CACNG2: variants seen among roughly 807,000 people sequenced by gnomAD.
CACNG2 encodes calcium voltage-gated channel auxiliary subunit gamma 2.
In CACNG2, 3 loss-of-function variants were observed where a neutral mutation model predicts 25.9. The observed-to-expected ratio is 0.12, with a 90% CI of 0.05 to 0.30. The LOEUF (loss-of-function observed/expected upper bound fraction) is 0.30. CACNG2 is among the 10% of genes least tolerant of loss of function. The pLI, the probability that CACNG2 is intolerant of heterozygous loss-of-function variation, is 1.00. For missense variants in CACNG2, 341 were observed against 432.5 expected (o/e 0.79, Z 1.88); for synonymous variants, 167 against 173.3 (o/e 0.96, Z 0.29).
intron 2 of CACNG2, among the ~76,000 whole-genome samples, chr22:36,583,162 T>C (rs1489058687): frequency 1.1e-5 from 1 of 91,590 alleles, no homozygotes; most frequent in Admixed American, 1.2e-4. Flanking sequence ...GGGCTGGACA[T>C]GGTGGCTCAC....
intron 1 of CACNG2, among the ~76,000 whole-genome samples, chr22:36,680,652 C>CCACCACCAT (rs1937103301): frequency 6.0e-5 from 1 of 16,706 alleles, no homozygotes; most frequent in African/African-American, 1.8e-4. Flanking sequence ...ATCATTATCA[C>CCACCACCAT]CACCATCACC....
intron 1 of CACNG2, among the ~76,000 whole-genome samples, chr22:36,688,699 C>T (rs1024093041): frequency 2.6e-5 from 4 of 152,174 alleles, no homozygotes; most frequent in East Asian, 3.9e-4. Context: ...AGGCCCAGCC[C>T]GCCAGTGGCA....
At chr22:36,693,085 G>T (rs1937286780) in intron 1 of CACNG2, among the ~76,000 whole-genome samples, 1 of 152,192 alleles carries the variant, frequency 6.6e-6, no homozygotes, top group Non-Finnish European at 1.5e-5. Flanking sequence ...GACGGAGGCT[G>T]CAGTGAGCCA....
chr22:36,680,601 TGGCTATAATTACTAC>T, intron 1 of CACNG2, among the ~76,000 whole-genome samples: 1 of 96,622 alleles, frequency 1.0e-5, no homozygotes, highest in African/African-American at 3.9e-5. Flanking sequence ...ACCTGCATCA[TGGCTATAATTACTAC>T]CACCATCACC....
At chr22:36,576,999 G>C (rs908851428) in intron 2 of CACNG2, among the ~76,000 whole-genome samples, 2 of 152,170 alleles carry the variant, frequency 1.3e-5, no homozygotes, top group Non-Finnish European at 2.9e-5. Flanking sequence ...GCTTCCTGCT[G>C]TCAGTAGAGA....
rs1470618580 is a variant in CACNG2 at position 36,563,115 on chromosome 22, GT to G, written c.*1235del. 6.6e-6 allele frequency among the ~76,000 whole-genome samples: 1 copy of G among 151,650 alleles called. No individual in the cohort carries two copies. The highest frequency in any genetic ancestry group is 2.4e-5 in the African/African-American group (1 of 41,254). ...TATTTACATTTATTTATAGTCTGTG[GT>G]TTTTTTATTAAAAAAAAATCACCAC... is the stretch of plus-strand genomic sequence containing the variant. On this transcript the variant is annotated 3_prime_UTR_variant, in exon 4 of 4. Coordinates refer to ENST00000300105, the MANE Select transcript of CACNG2 (RefSeq NM_006078.5).
intron 1 of CACNG2, among the ~76,000 whole-genome samples, chr22:36,631,737 C>CTTTT (rs131828): frequency 4.3e-5 from 5 of 115,408 alleles, no homozygotes; most frequent in East Asian, 2.8e-4. Flanking sequence ...GTGAGCAACT[C>CTTTT]TTTTTTTTTT....
chr22:36,602,670 G>A (rs927220443), intron 1 of CACNG2, among the ~76,000 whole-genome samples: 19 of 152,352 alleles, frequency 1.2e-4, no homozygotes, highest in African/African-American at 4.1e-4. Context: ...ACAGGCGTGA[G>A]CCACTGCGCC....
intron 3 of CACNG2, among the ~76,000 whole-genome samples, chr22:36,565,633 T>C (rs770674088): frequency 2.6e-5 from 4 of 152,126 alleles, no homozygotes; most frequent in Non-Finnish European, 5.9e-5. Context: ...TGCGTCACCA[T>C]GCCCAGCTGA....
Position 36,564,703 on chromosome 22 carries a change from T to G in CACNG2, c.620A>C (p.Gln207Pro), listed in dbSNP as rs1304038904. Residue 207 changes from glutamine to proline, a missense_variant, in exon 4 of 4, where the codon CAG becomes CCG. Physicochemically the swap from Gln to Pro is moderately conservative, Grantham distance 76 (BLOSUM62 -1). Coordinates refer to ENST00000300105, the MANE Select transcript of CACNG2 (RefSeq NM_006078.5). The surrounding 1 kb of genome is among the most constrained non-coding windows in gnomAD (Gnocchi z 6.7). The stretch of plus-strand genomic sequence containing the variant: ...CGTGGCGCGGGCCGTGGCCCGCAGC[T>G]GTTTGTGCCGGTCGATAAACATGTG... ...AVHMFIDRHK[Q>P]LRATARATDY... 2 of 1,614,186 alleles carry G rather than the reference T, an allele frequency of 1.2e-6. No individual in the cohort carries two copies.
At chr22:36,700,432 C>T (rs546428279) in intron 1 of CACNG2, among the ~76,000 whole-genome samples, 63 of 152,344 alleles carry the variant, frequency 4.1e-4, no homozygotes, top group African/African-American at 1.4e-3. Context: ...TTTATGCCAA[C>T]CCACCCATTT....
rs550662308 is a variant in CACNG2 at position 36,608,665 on chromosome 22, CTGGGTGTGTATT to C, written c.212-21129_212-21118del. Among the ~76,000 whole-genome samples the C allele has an allele frequency of 1.1e-4, 16 of 150,966 alleles. No homozygotes were observed. The South Asian group carries it at 3.4e-3, about 32-fold the overall frequency. On this transcript the variant is annotated intron_variant, in intron 1 of 3. Transcript: ENST00000300105. ...CTCAGGACTGATGCTATCAGACTAC[CTGGGTGTGTATT>C]TGCCTTGGGCAAATTCCTCAACATC... is the stretch of plus-strand genomic sequence containing the variant.
chr22:36,616,528 A>C (rs1936023859), intron 1 of CACNG2, among the ~76,000 whole-genome samples: 1 of 152,192 alleles, frequency 6.6e-6, no homozygotes, highest in African/African-American at 2.4e-5. Flanking sequence ...CCTGGAAACT[A>C]GAGAGTATTG....
intron 1 of CACNG2, among the ~76,000 whole-genome samples, chr22:36,615,199 T>C (rs1936005212): frequency 6.6e-6 from 1 of 152,132 alleles, no homozygotes; most frequent in Admixed American, 6.5e-5. Context: ...TAAGGCTGCA[T>C]CTGATTTGGT....
At chr22:36,614,169 T>G (rs1019947479) in intron 1 of CACNG2, among the ~76,000 whole-genome samples, 2 of 152,244 alleles carry the variant, frequency 1.3e-5, no homozygotes, top group Middle Eastern at 3.4e-3. Context: ...ATTCGACAGC[T>G]GCTTTGATCT....
chr22:36,564,822 G>A lies in CACNG2; in HGVS notation c.501C>T (p.Ser167=). 6.2e-7 allele frequency: 1 copy of A among 1,614,150 alleles called. No individual in the cohort carries two copies. Among genetic ancestry groups the A allele is most frequent in the Non-Finnish European group, 8.5e-7 (1 of 1,180,002 alleles). Residue 167 remains serine, a synonymous_variant, in exon 4 of 4, where the codon AGC becomes AGT. Coordinates refer to ENST00000300105, the MANE Select transcript of CACNG2 (RefSeq NM_006078.5). This position sits in a 1 kb window ranked among gnomAD's most constrained non-coding sequence, Gnocchi z 6.7. ...ATGAGTAACTATTCTTTTTGGAGTC[G>A]CTCTTGGAGGGGTCTCCGGCATTGG... ...ISANAGDPSK[S]DSKKNSYSYG...
At chr22:36,568,808 G>C (rs1009007040) in intron 2 of CACNG2, among the ~76,000 whole-genome samples, 3 of 152,028 alleles carry the variant, frequency 2.0e-5, no homozygotes, top group African/African-American at 7.3e-5. Flanking sequence ...GTTATTTGGG[G>C]GGGACCTGAA....
intron 2 of CACNG2, among the ~76,000 whole-genome samples, chr22:36,567,750 C>A (rs1265162448): frequency 1.3e-5 from 2 of 152,034 alleles, no homozygotes; most frequent in Non-Finnish European, 2.9e-5. Context: ...TTCAAATAGG[C>A]AGTGAGTGAC....
At position 36,564,556 on chromosome 22, in the gene CACNG2, C is replaced by A. The variant is rs759221759; in HGVS notation, c.767G>T (p.Gly256Val). The A allele has an allele frequency of 4.5e-5, 73 of 1,613,938 alleles. No homozygotes were observed. The Admixed American group carries it at 1.2e-3, about 27-fold the overall frequency. The change falls in exon 4 of 4, where the codon GGC becomes GTC. Residue 256 changes from glycine (G) to valine (V), a missense_variant. Physicochemically the swap from Gly to Val is moderately radical, Grantham distance 109. Around this residue, in one of 2 missense-constraint regions of CACNG2, gnomAD observed 172 missense variants for 178.1 expected, o/e 0.97. Transcript: ENST00000300105. The surrounding 1 kb of genome is among the most constrained non-coding windows in gnomAD (Gnocchi z 6.7). ...PSHSRDASPV[G>V]IKGFNTLPST... The stretch of plus-strand genomic sequence containing the variant: ...CGGCAGGGTGTTGAAGCCCTTGATG[C>A]CCACGGGGGAGGCGTCCCTGGAGTG...
Sources: gnomAD v4.1 joint callset for allele counts (sites outside exome capture counted in the v4.1 genomes callset) on GRCh38, gnomAD v4.1.1 for gene constraint, gnomAD v4.1.1 regional missense constraint, Gnocchi (gnomAD v3.1) non-coding constraint, MANE v1.5 for transcripts, NCBI Gene and HGNC (gene_info 2026-07-23, HGNC 2026-07-21) for gene names.